FAM234B: variants seen among roughly 807,000 people sequenced by gnomAD.
FAM234B encodes the protein protein FAM234B.
Under a neutral mutation model 69.3 loss-of-function variants are expected in FAM234B, and 33 were observed. That is an observed-to-expected ratio of 0.48 (90% confidence interval 0.36 to 0.64). FAM234B has a LOEUF of 0.64. FAM234B is among the 30% of genes least tolerant of loss of function. The pLI is 0.00. For missense variants in FAM234B, 697 were observed against 769.7 expected, an observed-to-expected ratio of 0.91 and a Z score of 1.12; for synonymous variants, 306 against 306.9, an observed-to-expected ratio of 1.00 and a Z score of 0.03.
intron 9 of FAM234B, among the ~76,000 whole-genome samples, chr12:13,069,410 C>T (rs1035355091): frequency 6.6e-5 from 10 of 152,150 alleles, no homozygotes; most frequent in Admixed American, 5.9e-4. Flanking sequence ...ACATTGTTCC[C>T]TGAGAGAGAC....
rs1865218998 is a variant in FAM234B at position 13,080,950 on chromosome 12, A to G, written c.*320A>G. 3.4e-6 allele frequency: 1 copy of G among 291,158 alleles called. No homozygotes were observed. Among genetic ancestry groups the G allele is most frequent in the African/African-American group, 2.2e-5 (1 of 46,064 alleles). The allele number at this position is 291,158 out of a possible 1,614,324, so 18.0% of individuals were successfully genotyped here. On this transcript the variant is annotated 3_prime_UTR_variant, in exon 13 of 13. Coordinates refer to ENST00000197268, the MANE Select transcript of FAM234B (RefSeq NM_020853.2). ...TTTATGAAGTCTTGCTGGGAAAGCC[A>G]GTGAAGTCTATGACTAGGAAACATT...
intron 9 of FAM234B, 30 bp from the exon 10 acceptor site, chr12:13,071,211 C>T (rs1865101662): frequency 6.2e-7 from 1 of 1,610,978 alleles, no homozygotes; most frequent in African/African-American, 1.3e-5. Context: ...GAGGCCTGGC[C>T]ATGTTTACTG....
intron 2 of FAM234B, among the ~76,000 whole-genome samples, chr12:13,056,280 G>T (rs766440858): frequency 6.6e-6 from 1 of 152,154 alleles, no homozygotes; most frequent in Non-Finnish European, 1.5e-5. Context: ...AGAAAAGCAA[G>T]GTTCAAGGCC....
intron 3 of FAM234B, 53 bp from the exon 4 acceptor site, chr12:13,061,522 C>T (rs892898045): frequency 1.1e-5 from 17 of 1,495,828 alleles, no homozygotes; most frequent in Non-Finnish European, 1.5e-5. Context: ...TCATCTCTGC[C>T]TCTTATCTCC....
At chr12:13,054,139 C>A (rs1383514064) in intron 1 of FAM234B, among the ~76,000 whole-genome samples, 1 of 152,034 alleles carries the variant, frequency 6.6e-6, no homozygotes, top group Non-Finnish European at 1.5e-5. Context: ...CAATAGTGGT[C>A]CTGAGGTGAC....
chr12:13,074,607 C>G (rs1316824), intron 10 of FAM234B, among the ~76,000 whole-genome samples: 23,613 of 152,082 alleles, frequency 0.16, 2,556 homozygotes, highest in East Asian at 0.32. Flanking sequence ...GCAGCTCAGT[C>G]TGGAAAAGGC....
intron 11 of FAM234B, among the ~76,000 whole-genome samples, chr12:13,077,096 G>T (rs574298959): frequency 6.6e-6 from 1 of 152,240 alleles, no homozygotes; most frequent in African/African-American, 2.4e-5. Context: ...CCTGTCCACT[G>T]ATTGGGGGGT....
chr12:13,067,147 GGTGCTA>G lies in FAM234B; in HGVS notation c.1001-6_1001-1del. On this transcript the variant is annotated splice_acceptor_variant and splice_polypyrimidine_tract_variant and intron_variant, in intron 6 of 12. Coordinates refer to ENST00000197268, the MANE Select transcript of FAM234B (RefSeq NM_020853.2). LOFTEE classifies it high-confidence loss of function. The surrounding 1 kb of genome is among the most constrained non-coding windows in gnomAD (Gnocchi z 4.7). ...AACTTCTCAGTGTTGGTTCTTCTGTGGTGCTAGGAAATATACAAGCTGTCGCACTGC... is the reference window on the plus strand; with the variant it reads ...AACTTCTCAGTGTTGGTTCTTCTGTGGGAAATATACAAGCTGTCGCACTGC... 1 of 1,613,880 alleles carries G rather than the reference GGTGCTA, an allele frequency of 6.2e-7. No homozygotes were observed. Among genetic ancestry groups the G allele is most frequent in the South Asian group, 1.1e-5 (1 of 91,074 alleles).
intron 5 of FAM234B, among the ~76,000 whole-genome samples, chr12:13,064,081 T>G (rs1430142952): frequency 2.0e-5 from 3 of 152,190 alleles, no homozygotes; most frequent in African/African-American, 7.2e-5. Flanking sequence ...TCATGAGTTT[T>G]GAGGAGCACT....
At chr12:13,053,961 A>G (rs929988223) in intron 1 of FAM234B, among the ~76,000 whole-genome samples, 3 of 152,184 alleles carry the variant, frequency 2.0e-5, no homozygotes, top group Non-Finnish European at 4.4e-5. Flanking sequence ...ACATCCGTTT[A>G]TAGGCTCTCT....
At chr12:13,057,403 T>C (rs1189323255) in intron 2 of FAM234B, among the ~76,000 whole-genome samples, 2 of 152,216 alleles carry the variant, frequency 1.3e-5, no homozygotes, top group Non-Finnish European at 2.9e-5. Context: ...GGTATGAATA[T>C]CTCATGATTT....
At chr12:13,057,013 T>G (rs927408892) in intron 2 of FAM234B, among the ~76,000 whole-genome samples, 10 of 150,704 alleles carry the variant, frequency 6.6e-5, no homozygotes, top group Non-Finnish European at 1.3e-4. Context: ...AGTCTTGCTC[T>G]GTCACCCAGG....
intron 9 of FAM234B, 55 bp downstream of exon 9, chr12:13,068,766 T>C (rs570145054): frequency 2.5e-6 from 3 of 1,197,744 alleles, no homozygotes; most frequent in South Asian, 1.3e-5. Context: ...ATACTTTGTG[T>C]CCAACCCTGT....
intron 1 of FAM234B, among the ~76,000 whole-genome samples, chr12:13,054,907 T>A (rs1029720404): frequency 6.6e-6 from 1 of 152,242 alleles, no homozygotes; most frequent in African/African-American, 2.4e-5. Context: ...CCTCCCAGAA[T>A]ACTTGCTCAG....
Position 13,055,800 on chromosome 12 carries a change from C to T in FAM234B, c.287C>T (p.Ser96Phe), listed in dbSNP as rs775214092. ...GGGGGCCTGGAACAGAAGGCGGCCT[C>T]CTCCCTGGTGTCATATGTGCGCACG... ...PLGGLEQKAA[S>F]SLVSYVRTSV... The change falls in exon 2 of 13, where the codon TCC (serine) becomes TTC (phenylalanine). Residue 96 changes from serine (S) to phenylalanine (F), a missense_variant. Ser to Phe is a radical substitution (Grantham distance 155). Transcript: ENST00000197268. 11 of 1,614,168 alleles carry T rather than the reference C, an allele frequency of 6.8e-6. No homozygotes were observed. The highest frequency in any genetic ancestry group is 9.3e-6 in the Non-Finnish European group (11 of 1,180,022).
intron 1 of FAM234B, among the ~76,000 whole-genome samples, chr12:13,049,062 G>A (rs1331341668): frequency 6.6e-6 from 1 of 152,154 alleles, no homozygotes; most frequent in Non-Finnish European, 1.5e-5. Flanking sequence ...GATTTGGGTG[G>A]GGACACAGAG....
At position 13,080,678 on chromosome 12, in the gene FAM234B, T is replaced by A; in HGVS notation, c.*48T>A. On this transcript the variant is annotated 3_prime_UTR_variant, in exon 13 of 13. Transcript: ENST00000197268. ...GAAGAAGTGAACAGAGTGGATACCC[T>A]CTCTACTCTCCTGTCACTGTAAAAT... 6.8e-7 allele frequency: 1 copy of A among 1,463,574 alleles called. No individual in the cohort carries two copies. Among genetic ancestry groups the A allele is most frequent in the Non-Finnish European group, 9.6e-7 (1 of 1,044,682 alleles). 90.7% of individuals were successfully genotyped at this position (1,463,574 alleles called of 1,614,324 possible). A position where few individuals can be genotyped will look rare whatever the true frequency, so the allele number is the denominator to read the frequency against.
intron 3 of FAM234B, among the ~76,000 whole-genome samples, chr12:13,060,557 G>A (rs572360388): frequency 6.6e-6 from 1 of 152,244 alleles, no homozygotes; most frequent in East Asian, 1.9e-4. Flanking sequence ...CCTTTGAGAA[G>A]CCTGGAAGTT....
In FAM234B at chr12:13,058,536, C is replaced by A; in HGVS notation, c.519C>A (p.Asn173Lys). 1 of 1,612,210 alleles carries A rather than the reference C, an allele frequency of 6.2e-7. No homozygotes were observed. The highest frequency in any genetic ancestry group is 2.2e-5 in the East Asian group (1 of 44,714). The change falls in exon 3 of 13, where the codon AAC becomes AAA. Residue 173 changes from asparagine to lysine, a missense_variant. Asn to Lys is a moderately conservative substitution (Grantham distance 94, BLOSUM62 0). Transcript: ENST00000197268. ...DVLLSFVMSR[N>K]GSAVGVSRPA... ...TTCTCTCCTTTGTGATGTCAAGGAA[C>A]GGGAGTGCAGTAGGTAAGAGACGTG...
Sources: allele counts gnomAD v4.1 joint callset (sites outside exome capture counted in the v4.1 genomes callset), GRCh38; gene constraint gnomAD v4.1.1; non-coding constraint Gnocchi (gnomAD v3.1); transcripts MANE v1.5; gene names NCBI Gene and HGNC (gene_info 2026-07-23, HGNC 2026-07-21).